TTN: variants seen among roughly 807,000 people sequenced by gnomAD.
TTN encodes connectin.
TTN carries 1,525 observed loss-of-function variants against 3,223.0 expected under a neutral mutation model. That is an observed-to-expected ratio of 0.47 (90% CI 0.45 to 0.49). TTN has a LOEUF of 0.49. TTN is among the 20% of genes least tolerant of loss of function. The pLI is 0.00. For synonymous variants in TTN, 14,094 were observed against 15,161.0 expected (o/e 0.93, Z 5.17); for missense variants, 40,786 against 43,424.0 (o/e 0.94, Z 5.40).
chr2:178,572,129 G>C lies in TTN; in HGVS notation c.74003C>G (p.Thr24668Arg). Residue 24668 changes from threonine (T) to arginine (R), a missense_variant, in exon 326 of 363, where the codon ACA (threonine) becomes AGA (arginine). Transcript: ENST00000589042. The stretch of plus-strand genomic sequence containing the variant: ...GATAGTGGCTTCAGTGACCTTGACT[G>C]TGGCACACGTGGCCCATTTGTCACT... ...KGSDKWATCATVKVTEATITG... is the reference protein window; with the variant it reads ...KGSDKWATCARVKVTEATITG... 6.2e-7 allele frequency: 1 copy of C among 1,613,272 alleles called. No individual in the cohort carries two copies. The highest frequency in any genetic ancestry group is 2.2e-5 in the East Asian group (1 of 44,696).
In TTN at chr2:178,579,030, G is replaced by T; in HGVS notation, c.68000C>A (p.Pro22667His). ...TTCAGAACCTCCATCATCCTTTGGA[G>T]GAGCCCACTTTAAGGTCATGGCTTC... ...TAEAMTLKWAPPKDDGGSEIT... is the reference protein window; with the variant it reads ...TAEAMTLKWAHPKDDGGSEIT... The change falls in exon 320 of 363, where the codon CCT becomes CAT. Residue 22667 changes from proline to histidine, a missense_variant. By Grantham distance (77) the Pro-to-His change is moderately conservative. Transcript: ENST00000589042. The T allele has an allele frequency of 1.2e-6, 2 of 1,613,218 alleles. No individual in the cohort carries two copies. The highest frequency in any genetic ancestry group is 1.7e-6 in the Non-Finnish European group (2 of 1,179,510).
chr2:178,628,332 A>T (rs2059342536), intron 240 of TTN, among the ~76,000 whole-genome samples: 1 of 151,980 alleles, frequency 6.6e-6, no homozygotes, highest in South Asian at 2.1e-4. Context: ...TCAAAGTTTG[A>T]TTTTTGTTGA....
intron 283 of TTN, 66 bp from the exon 284 acceptor site, chr2:178,602,216 C>T: frequency 6.3e-7 from 1 of 1,596,604 alleles, no homozygotes. Flanking sequence ...GAAATATCTT[C>T]AGTAAATTAA....
rs759563590 is a variant in TTN at position 178,599,379 on chromosome 2, G to A, written c.56414C>T (p.Ser18805Phe). 6.3e-7 allele frequency: 1 copy of A among 1,595,542 alleles called. No homozygotes were observed. Among genetic ancestry groups the A allele is most frequent in the Non-Finnish European group, 8.5e-7 (1 of 1,173,324 alleles). The change falls in exon 290 of 363, where the codon TCT (serine) becomes TTT (phenylalanine). Residue 18805 changes from serine to phenylalanine, a missense_variant. Transcript: ENST00000589042. Reference sequence around the variant, plus strand: ...ACCATCATCTTTAGGTGGAAACCAAGATAGTGTCATTTGATCTGCTGAAAC... The same window carrying A: ...ACCATCATCTTTAGGTGGAAACCAAAATAGTGTCATTTGATCTGCTGAAAC... ...ESVSADQMTL[S>F]WFPPKDDGGS...
chr2:178,571,943 C>A lies in TTN; in HGVS notation c.74189G>T (p.Gly24730Val). 1 of 1,613,230 alleles carries A rather than the reference C, an allele frequency of 6.2e-7. No individual in the cohort carries two copies. Among genetic ancestry groups the A allele is most frequent in the Non-Finnish European group, 8.5e-7 (1 of 1,179,552 alleles). ...TGGAACATCAACTTTTAGGTCTTCA[C>A]CTGCCAGTACAGTGAAAGTATTGAA... ...LLFNTFTVLAGEDLKVDVPFI... is the reference protein window; with the variant it reads ...LLFNTFTVLAVEDLKVDVPFI... The change falls in exon 326 of 363, where the codon GGT becomes GTT. Residue 24730 changes from glycine (G) to valine (V), a missense_variant. Transcript: ENST00000589042.
In TTN at chr2:178,723,334, G is replaced by A; in HGVS notation, c.21683-10C>T. The stretch of plus-strand genomic sequence containing the variant: ...AAAAATGCAGCTGGTTCTAGTAAGT[G>A]ACAAAGCACAGCAGTTAAACACAAG... On this transcript the variant is annotated splice_polypyrimidine_tract_variant and intron_variant, in intron 74 of 362. Transcript: ENST00000589042. 2 of 1,609,672 alleles carry A rather than the reference G, an allele frequency of 1.2e-6. No homozygotes were observed. The highest frequency in any genetic ancestry group is 1.7e-5 in the Admixed American group (1 of 59,598).
chr2:178,579,318 T>A lies in TTN; in HGVS notation c.67712A>T (p.Lys22571Met). The A allele has an allele frequency of 6.2e-7, 1 of 1,609,626 alleles. No homozygotes were observed. The highest frequency in any genetic ancestry group is 1.1e-5 in the South Asian group (1 of 90,864). Residue 22571 changes from lysine (K) to methionine (M), a missense_variant, in exon 320 of 363, where the codon AAG becomes ATG. Transcript: ENST00000589042. ...LAKENSNFRL[K>M]IPIKGKPAPS... is the part of the protein sequence containing the mutation. Reference sequence around the variant, plus strand: ...AGCTGGCTTGCCTTTTATGGGGATCTTAAGCCGGAAGTTGCTGTTTTCTTT... The same window carrying A: ...AGCTGGCTTGCCTTTTATGGGGATCATAAGCCGGAAGTTGCTGTTTTCTTT...
rs1248825495 is a variant in TTN at position 178,651,849 on chromosome 2, G to A, written c.39379+35C>T. 3.8e-6 allele frequency: 6 copies of A among 1,599,182 alleles called. No individual in the cohort carries two copies. The African/African-American group carries it at 6.7e-5, about 18-fold the overall frequency. ...TATCAGGGCAGGAAGGGGAAAGAGT[G>A]GCCGAGGTGTCCTAGCAGCTTTCTT... On this transcript the variant is annotated intron_variant, in intron 205 of 362. Transcript: ENST00000589042.
chr2:178,772,537 G>A (rs1489252127), intron 33 of TTN, among the ~76,000 whole-genome samples: 1 of 152,068 alleles, frequency 6.6e-6, no homozygotes, highest in Non-Finnish European at 1.5e-5. Context: ...GATATCATAA[G>A]AAATACAGTT....
At position 178,733,883 on chromosome 2, in the gene TTN, G is replaced by C. The variant is rs761475085; in HGVS notation, c.15506C>G (p.Thr5169Ser). ...CAAATCATCTACTTTCTTTACAAAG[G>C]TTGGAGGTTCTAGTTAAGGAAAGAG... Reference protein sequence around the residue: ...MATHLLKEPPTFVKKVDDLIA... With the variant: ...MATHLLKEPPSFVKKVDDLIA... The change falls in exon 53 of 363, where the codon ACC (threonine) becomes AGC (serine). Residue 5169 changes from threonine (T) to serine (S), a missense_variant. Physicochemically the swap from Thr to Ser is moderately conservative, Grantham distance 58 (BLOSUM62 1). Coordinates refer to ENST00000589042, the MANE Select transcript of TTN (RefSeq NM_001267550.2). 6.3e-7 allele frequency: 1 copy of C among 1,592,242 alleles called. No individual in the cohort carries two copies. Among genetic ancestry groups the C allele is most frequent in the South Asian group, 1.1e-5 (1 of 88,472 alleles).
rs1427963030 is a variant in TTN, at chr2:178,531,205, G to C, written c.105410C>G (p.Ser35137Cys). 3 of 1,613,864 alleles carry C rather than the reference G, an allele frequency of 1.9e-6. No individual in the cohort carries two copies. ...LAARILTKPR[S>C]MTVYEGESAR... is the part of the protein sequence containing the mutation. ...AGACTCGCCCTCGTAGACGGTCATG[G>C]ACCGTGGCTTTGTTAGAATTCTTGC... The change falls in exon 358 of 363, where the codon TCC (serine) becomes TGC (cysteine). Residue 35137 changes from serine to cysteine, a missense_variant. By Grantham distance (112) the Ser-to-Cys change is moderately radical. Transcript: ENST00000589042.
Position 178,533,469 on chromosome 2 carries a change from A to G in TTN, c.103146T>C (p.Phe34382=). 1 of 1,613,604 alleles carries G rather than the reference A, an allele frequency of 6.2e-7. No individual in the cohort carries two copies. The highest frequency in any genetic ancestry group is 8.5e-7 in the Non-Finnish European group (1 of 1,179,580). Residue 34382 remains phenylalanine, a synonymous_variant, in exon 358 of 363, where the codon TTT becomes TTC. Coordinates refer to ENST00000589042, the MANE Select transcript of TTN (RefSeq NM_001267550.2). ...AECQEGQSVC[F]EIRVSGIPPP... ...GGGGGATGCCAGACACTCTGATCTCAAAGCAGACACTTTGGCCTTCTTGGC... is the reference window on the plus strand; with the variant it reads ...GGGGGATGCCAGACACTCTGATCTCGAAGCAGACACTTTGGCCTTCTTGGC...
rs2077385819 is a variant in TTN, at chr2:178,715,764, C to A, written c.25650G>T (p.Arg8550Ser). The change falls in exon 89 of 363, where the codon AGG becomes AGT. Residue 8550 changes from arginine to serine, a missense_variant. Coordinates refer to ENST00000589042, the MANE Select transcript of TTN (RefSeq NM_001267550.2). ...SAQLGVQEPP[R>S]FIKKLEPSRI... The stretch of plus-strand genomic sequence containing the variant: ...TTGAAGGTTCTAGCTTCTTAATGAA[C>A]CTGGGTGGTTCTATGGAACCAAGAG... 5 of 1,579,738 alleles carry A rather than the reference C, an allele frequency of 3.2e-6. No homozygotes were observed. The highest frequency in any genetic ancestry group is 3.6e-5 in the Admixed American group (2 of 55,026).
intron 147 of TTN, among the ~76,000 whole-genome samples, chr2:178,676,615 T>C (rs2068117284): frequency 6.6e-6 from 1 of 151,866 alleles, no homozygotes; most frequent in Admixed American, 6.6e-5. Flanking sequence ...AAGACTGATA[T>C]TAGCATCCCC....
chr2:178,601,226 T>A, intron 287 of TTN, 39 bp downstream of exon 287: 1 of 1,519,086 alleles, frequency 6.6e-7, no homozygotes, highest in Non-Finnish European at 8.8e-7. Context: ...TATACTTCAA[T>A]TTTGAGAAGA....
At position 178,621,171 on chromosome 2, in the gene TTN, A is replaced by C; in HGVS notation, c.45547T>G (p.Leu15183Val). ...KRVLVVKDATLQDMGTYVVMV... is the reference protein window; with the variant it reads ...KRVLVVKDATVQDMGTYVVMV... ...ACAACGTAAGTGCCCATATCTTGTAATGTGGCATCTTTCACAACTAGGACC... is the reference window on the plus strand; with the variant it reads ...ACAACGTAAGTGCCCATATCTTGTACTGTGGCATCTTTCACAACTAGGACC... Residue 15183 changes from leucine (L) to valine (V), a missense_variant, in exon 246 of 363, where the codon TTA (leucine) becomes GTA (valine). Transcript: ENST00000589042. 6.2e-7 allele frequency: 1 copy of C among 1,612,590 alleles called. No homozygotes were observed. The highest frequency in any genetic ancestry group is 2.2e-5 in the East Asian group (1 of 44,610).
intron 11 of TTN, 70 bp from the exon 12 acceptor site, chr2:178,790,185 T>C: frequency 6.5e-7 from 1 of 1,536,278 alleles, no homozygotes; most frequent in Non-Finnish European, 8.8e-7. Flanking sequence ...GAAACGTAAG[T>C]CAAAAAGAAA....
rs551963261 is a variant in TTN at position 178,640,045 on chromosome 2, C to T, written c.40786+3G>A. On this transcript the variant is annotated splice_donor_region_variant and intron_variant, in intron 222 of 362. Coordinates refer to ENST00000589042, the MANE Select transcript of TTN (RefSeq NM_001267550.2). ...TGTTGACATTGAGGATAAGCTTGCT[C>T]ACCTGCTTCGGGCTTTGGTTTCGGT... 9 of 1,612,084 alleles carry T rather than the reference C, an allele frequency of 5.6e-6. No homozygotes were observed. In the East Asian group the frequency reaches 1.6e-4, roughly 28 times the overall value.
At position 178,562,500 on chromosome 2, in the gene TTN, T is replaced by C; in HGVS notation, c.83632A>G (p.Asn27878Asp). The C allele has an allele frequency of 3.7e-6, 6 of 1,612,990 alleles. No homozygotes were observed. Among genetic ancestry groups the C allele is most frequent in the Non-Finnish European group, 5.1e-6 (6 of 1,179,582 alleles). Residue 27878 changes from asparagine to aspartate, a missense_variant, in exon 326 of 363, where the codon AAT becomes GAT. By Grantham distance (23) the Asn-to-Asp change is conservative. Transcript: ENST00000589042. ...TTCTCCCACTTAATTGTAGCTGTATTACGGGTCACATCAACAAGAGTTACT... is the reference window on the plus strand; with the variant it reads ...TTCTCCCACTTAATTGTAGCTGTATCACGGGTCACATCAACAAGAGTTACT... ...GRVTLVDVTRNTATIKWEKPE... is the reference protein window; with the variant it reads ...GRVTLVDVTRDTATIKWEKPE...
Sources: gnomAD v4.1 joint callset for allele counts (sites outside exome capture counted in the v4.1 genomes callset) on GRCh38, gnomAD v4.1.1 for gene constraint, MANE v1.5 for transcripts, NCBI Gene and HGNC (gene_info 2026-07-23, HGNC 2026-07-21) for gene names.